The following SPINK6 variants were observed in gnomAD, a reference collection of about 807,000 sequenced individuals.
SPINK6 encodes the protein serine protease inhibitor Kazal-type 6.
A neutral mutation model predicts 11.7 loss-of-function variants in SPINK6; 13 were observed. The observed-to-expected ratio is 1.11, with a 90% confidence interval of 0.72 to 1.76. The LOEUF (loss-of-function observed/expected upper bound fraction) is 1.76, where lower values mean the gene tolerates loss of function less well. Among genes scored for constraint, SPINK6 ranks in the 40% most tolerant of loss-of-function variants. The pLI, the probability that SPINK6 is intolerant of heterozygous loss-of-function variation, is 0.00. For missense variants in SPINK6, 98 were observed against 93.7 expected (o/e 1.05, Z -0.19); for synonymous variants, 21 against 31.9 (o/e 0.66, Z 1.15).
chr5:148,206,080 T>C, intron 2 of SPINK6, 22 bp downstream of exon 2: 3 of 1,613,886 alleles, frequency 1.9e-6, no homozygotes, highest in Non-Finnish European at 2.5e-6. Flanking sequence ...TTTTTATCTC[T>C]GCTTTCTGCC....
chr5:148,209,697 G>C (rs931984741), intron 2 of SPINK6, among the ~76,000 whole-genome samples: 12 of 152,000 alleles, frequency 7.9e-5, no homozygotes, highest in Non-Finnish European at 1.5e-4. Context: ...GAAATGTTGA[G>C]AACTGGTATA....
At chr5:148,209,335 C>G (rs538623277) in intron 2 of SPINK6, among the ~76,000 whole-genome samples, 1 of 152,302 alleles carries the variant, frequency 6.6e-6, no homozygotes, top group South Asian at 2.1e-4. Flanking sequence ...CTGGAGTGAG[C>G]TTTCCGTGGC....
chr5:148,207,187 C>T (rs924896959), intron 2 of SPINK6, among the ~76,000 whole-genome samples: 1 of 152,060 alleles, frequency 6.6e-6, no homozygotes, highest in Non-Finnish European at 1.5e-5. Flanking sequence ...TGAAAACAAA[C>T]ACACAAGGAA....
At chr5:148,214,062 C>T in intron 3 of SPINK6, 37 bp downstream of exon 3, 1 of 1,268,424 alleles carries the variant, frequency 7.9e-7, no homozygotes, top group Non-Finnish European at 1.1e-6. Flanking sequence ...CCCTTGCAAA[C>T]ACAAACTTCC....
chr5:148,202,800 A>G (rs930570188), upstream of SPINK6: 15 of 283,024 alleles, frequency 5.3e-5, no homozygotes, highest in Non-Finnish European at 9.8e-5. Flanking sequence ...TAATGTAGTG[A>G]AACTTTAGAA....
intron 1 of SPINK6, among the ~76,000 whole-genome samples, chr5:148,205,702 CGAT>C (rs1755488374): frequency 6.6e-6 from 1 of 152,050 alleles, no homozygotes; most frequent in Admixed American, 6.5e-5. Context: ...GTGAGACCAG[CGAT>C]GATAAGGTCA....
chr5:148,206,010 G>A, intron 1 of SPINK6, 26 bp from the exon 2 acceptor site: 1 of 1,613,658 alleles, frequency 6.2e-7, no homozygotes, highest in Non-Finnish European at 8.5e-7. Context: ...GAATTACAGT[G>A]TTTGAATGTT....
chr5:148,209,969 T>TACGTATGTATGTATACATACAC (rs1561732069), intron 2 of SPINK6, among the ~76,000 whole-genome samples: 8 of 126,600 alleles, frequency 6.3e-5, no homozygotes, highest in East Asian at 2.5e-4. Context: ...TATACATACA[T>TACGTATGTATGTATACATACAC]ACGTACGTAT....
Position 148,214,231 on chromosome 5 carries a change from C to T in SPINK6, c.197+206C>T, listed in dbSNP as rs552556063. Among the ~76,000 whole-genome samples the T allele has an allele frequency of 1.6e-4, 25 of 152,172 alleles. 1 individual carries two copies. Among genetic ancestry groups the T allele is most frequent in the Admixed American group, 5.2e-4 (8 of 15,274 alleles). On this transcript the variant is annotated intron_variant, in intron 3 of 3. Coordinates refer to ENST00000325630, the MANE Select transcript of SPINK6 (RefSeq NM_205841.4). ...AATTATTTGAAGACATAATCTTAAT[C>T]GCTTTGCTTTGTTATTATTAATTTT...
rs1561732207 is a variant in SPINK6, at chr5:148,210,002, GTA to G, written c.82-3905_82-3904del. Among the ~76,000 whole-genome samples the G allele has an allele frequency of 1.4e-4, 21 of 149,268 alleles. 3 individuals are homozygous for G. Among genetic ancestry groups the G allele is most frequent in the Non-Finnish European group, 2.5e-4 (17 of 66,676 alleles). ...TATGTATGTATACATATACACGTAT[GTA>G]TACATGTATGTACGCATGTACGCAT... On this transcript the variant is annotated intron_variant, in intron 2 of 3. Coordinates refer to ENST00000325630, the MANE Select transcript of SPINK6 (RefSeq NM_205841.4).
intron 2 of SPINK6, among the ~76,000 whole-genome samples, chr5:148,209,969 T>TAAGTATGTATGTATACATACAC (rs1755550602): frequency 7.9e-6 from 1 of 126,608 alleles, no homozygotes; most frequent in South Asian, 2.7e-4. Context: ...TATACATACA[T>TAAGTATGTATGTATACATACAC]ACGTACGTAT....
chr5:148,214,052 C>A (rs201670876), intron 3 of SPINK6, 27 bp downstream of exon 3: 10 of 1,396,618 alleles, frequency 7.2e-6, no homozygotes, highest in Non-Finnish European at 3.0e-6. Flanking sequence ...TCAAAGCTGA[C>A]CCTTGCAAAC....
At chr5:148,203,222 C>A in intron 1 of SPINK6, 68 bp downstream of exon 1, 1 of 1,156,490 alleles carries the variant, frequency 8.6e-7, no homozygotes, top group Non-Finnish European at 1.2e-6. Flanking sequence ...AGTTGTTTAT[C>A]ATATTTTAAA....
chr5:148,210,144 ATG>A (rs531483661), intron 2 of SPINK6, among the ~76,000 whole-genome samples: 23 of 136,964 alleles, frequency 1.7e-4, no homozygotes, highest in South Asian at 4.7e-4. Context: ...CTGCATACAT[ATG>A]TATGTATTTC....
chr5:148,215,020 T>C lies in SPINK6; in HGVS notation c.*70T>C. The C allele has an allele frequency of 6.8e-7, 1 of 1,475,386 alleles. No individual in the cohort carries two copies. Among genetic ancestry groups the C allele is most frequent in the Non-Finnish European group, 9.5e-7 (1 of 1,056,434 alleles). 91.4% of individuals were successfully genotyped at this position (1,475,386 alleles called of 1,614,324 possible). A position where few individuals can be genotyped will look rare whatever the true frequency, so the allele number is the denominator to read the frequency against. ...TCTTTTCTCACTTCTGCTTATACTT[T>C]TGCTGGTGGATTCCTTTAATTCATA... is the stretch of plus-strand genomic sequence containing the variant. On this transcript the variant is annotated 3_prime_UTR_variant, in exon 4 of 4. Transcript: ENST00000325630.
chr5:148,208,120 A>G (rs1333233641), intron 2 of SPINK6, among the ~76,000 whole-genome samples: 2 of 152,178 alleles, frequency 1.3e-5, no homozygotes, highest in Admixed American at 1.3e-4. Flanking sequence ...TACTTGCTGT[A>G]TGACTTGAAA....
At chr5:148,209,943 AG>A (rs201881249) in intron 2 of SPINK6, among the ~76,000 whole-genome samples, 1,339 of 13,090 alleles carry the variant, frequency 0.1, 115 homozygotes, top group East Asian at 0.46. Context: ...ATTGAGTAAA[AG>A]GTTTCATATA....
At chr5:148,206,191 G>A (rs1755496049) in intron 2 of SPINK6, 133 bp downstream of exon 2, 3 of 820,416 alleles carry the variant, frequency 3.7e-6, no homozygotes, top group Non-Finnish European at 5.9e-6. Context: ...GACATCAGCA[G>A]AAATTATTAT....
intron 2 of SPINK6, among the ~76,000 whole-genome samples, chr5:148,209,997 C>CACGTGCGTGT (rs1561732192): frequency 6.9e-6 from 1 of 145,892 alleles, no homozygotes; most frequent in Non-Finnish European, 1.5e-5. Flanking sequence ...TACATATACA[C>CACGTGCGTGT]GTATGTATAC....
Sources: gnomAD v4.1 joint callset for allele counts (sites outside exome capture counted in the v4.1 genomes callset) on GRCh38, gnomAD v4.1.1 for gene constraint, MANE v1.5 for transcripts, NCBI Gene and HGNC (gene_info 2026-07-23, HGNC 2026-07-21) for gene names.